The following MUC4 variants were observed in gnomAD, a reference collection of about 807,000 sequenced individuals.
MUC4 encodes the protein mucin-4.
In MUC4, 202 loss-of-function variants were observed where a neutral mutation model predicts 257.9. The ratio of observed to expected loss-of-function variants is 0.78; its 90% CI spans 0.70 to 0.88. The LOEUF (loss-of-function observed/expected upper bound fraction) is 0.88, where lower values mean the gene tolerates loss of function less well. MUC4 is among the 40% of genes least tolerant of loss of function. The probability of loss-of-function intolerance (pLI) is 0.00; values close to 1 mark genes in which losing one functional copy is unlikely to be tolerated. For synonymous variants in MUC4, 2,351 were observed against 2,757.1 expected, an observed-to-expected ratio of 0.85 and a Z score of 4.62; for missense variants, 5,976 against 6,513.7, an observed-to-expected ratio of 0.92 and a Z score of 2.84.
chr3:195,779,452 G>A lies in MUC4; in HGVS notation c.12128C>T (p.Thr4043Ile), dbSNP rs879189617. The A allele has an allele frequency of 7.9e-7, 1 of 1,263,670 alleles. No homozygotes were observed. Among genetic ancestry groups the A allele is most frequent in the African/African-American group, 1.8e-5 (1 of 54,764 alleles). The allele number at this position is 1,263,670 out of a possible 1,614,324, so 78.3% of individuals were successfully genotyped here. Residue 4043 changes from threonine (T) to isoleucine (I), a missense_variant, in exon 2 of 25, where the codon ACA (threonine) becomes ATA (isoleucine). This residue lies in a region of MUC4 where 293 missense variants were observed against 294.5 expected (regional missense o/e 1.00). Transcript: ENST00000463781. Reference sequence around the variant, plus strand: ...GACAGGAAGAGGGGTGGTGTCACCTGTGGATGCTGAGGAAGTGCTGGTGAC... The same window carrying A: ...GACAGGAAGAGGGGTGGTGTCACCTATGGATGCTGAGGAAGTGCTGGTGAC... ...VPVTSTSSAS[T>I]GDTTPLPVTN...
In MUC4 at chr3:195,779,146, AGAGG is replaced by A; in HGVS notation, c.12430_12433del (p.Pro4144PhefsTer114). ...TGCTGAGGAAGGGATGGTGACAGGA[AGAGG>A]CGTGGTGTCACCTGTGGATACTGAG... is the stretch of plus-strand genomic sequence containing the variant. On this transcript the variant is annotated frameshift_variant, in exon 2 of 25. Coordinates refer to ENST00000463781, the MANE Select transcript of MUC4 (RefSeq NM_018406.7). LOFTEE classifies it high-confidence loss of function. The A allele has an allele frequency of 7.1e-7, 1 of 1,405,064 alleles. No homozygotes were observed. Among genetic ancestry groups the A allele is most frequent in the Admixed American group, 2.3e-5 (1 of 44,032 alleles). The allele number at this position is 1,405,064 out of a possible 1,614,324, so 87.0% of individuals were successfully genotyped here.
rs1363613706 is a variant in MUC4 at position 195,782,125 on chromosome 3, G to C, written c.9455C>G (p.Pro3152Arg). ...TSSASTGDTT[P>R]LPVTDTSSAS... is the part of the protein sequence containing the mutation. The stretch of plus-strand genomic sequence containing the variant: ...TGAGGAAGTGTCGGTGACAGGAAGA[G>C]GGGTGGTGTCACCTGTGGATGCTGA... The change falls in exon 2 of 25, where the codon CCT (proline) becomes CGT (arginine). Residue 3152 changes from proline to arginine, a missense_variant. Physicochemically the swap from Pro to Arg is moderately radical, Grantham distance 103. Around this residue, in one of 44 missense-constraint regions of MUC4, gnomAD observed 128 missense variants for 104.8 expected, o/e 1.22. Coordinates refer to ENST00000463781, the MANE Select transcript of MUC4 (RefSeq NM_018406.7). 74 of 1,366,000 alleles carry C rather than the reference G, an allele frequency of 5.4e-5. No individual in the cohort carries two copies. Among genetic ancestry groups the C allele is most frequent in the Non-Finnish European group, 7.0e-5 (73 of 1,037,882 alleles). 84.6% of individuals were successfully genotyped at this position (1,366,000 alleles called of 1,614,324 possible).
chr3:195,788,051 C>T lies in MUC4; in HGVS notation c.3529G>A (p.Val1177Ile), dbSNP rs1266050575. The T allele has an allele frequency of 2.8e-5, 41 of 1,474,118 alleles. 4 individuals carry two copies. The highest frequency in any genetic ancestry group is 3.7e-5 in the Non-Finnish European group (41 of 1,108,490). 91.3% of individuals were successfully genotyped at this position (1,474,118 alleles called of 1,614,324 possible). Residue 1177 changes from valine to isoleucine, a missense_variant, in exon 2 of 25, where the codon GTA becomes ATA. By Grantham distance (29) the Val-to-Ile change is conservative. This residue lies in a region of MUC4 where 90 missense variants were observed against 106.2 expected (regional missense o/e 0.85). Transcript: ENST00000463781. ...AGAGGCGTGGTGTCACCTGTGGATA[C>T]TGAGGAAAGGCTGGTGACAGGAAGA... Reference protein sequence around the residue: ...TPLPVTSLSSVSTGDTTPLPV... With the variant: ...TPLPVTSLSSISTGDTTPLPV...
In MUC4 at chr3:195,789,163, G is replaced by A. The variant is rs1189096156; in HGVS notation, c.2417C>T (p.Ser806Phe). ...RTTSAGTATPSSSGASGTTPS... is the reference protein window; with the variant it reads ...RTTSAGTATPFSSGASGTTPS... ...TGTTGTGCCACTCGCCCCGGATGAG[G>A]AAGGGGTAGCTGTGCCCGCTGAGGT... is the stretch of plus-strand genomic sequence containing the variant. The change falls in exon 2 of 25, where the codon TCC (serine) becomes TTC (phenylalanine). Residue 806 changes from serine to phenylalanine, a missense_variant. Physicochemically the swap from Ser to Phe is radical, Grantham distance 155. Coordinates refer to ENST00000463781, the MANE Select transcript of MUC4 (RefSeq NM_018406.7). 6.2e-7 allele frequency: 1 copy of A among 1,613,874 alleles called. No individual in the cohort carries two copies.
intron 3 of MUC4, 140 bp downstream of exon 3, chr3:195,778,163 G>A (rs1243211451): frequency 3.7e-5 from 43 of 1,152,768 alleles, no homozygotes; most frequent in Non-Finnish European, 5.0e-5. Flanking sequence ...CAGCCCTCAG[G>A]AGCGACTCCG....
chr3:195,780,175 G>C lies in MUC4; in HGVS notation c.11405C>G (p.Ser3802Cys), dbSNP rs1477753943. 1 of 1,498,380 alleles carries C rather than the reference G, an allele frequency of 6.7e-7. No homozygotes were observed. Among genetic ancestry groups the C allele is most frequent in the Non-Finnish European group, 9.1e-7 (1 of 1,104,678 alleles). 92.8% of individuals were successfully genotyped at this position (1,498,380 alleles called of 1,614,324 possible). The change falls in exon 2 of 25, where the codon TCC becomes TGC. Residue 3802 changes from serine (S) to cysteine (C), a missense_variant. This residue lies in a region of MUC4 where 330 missense variants were observed against 262.0 expected (regional missense o/e 1.26). Transcript: ENST00000463781. ...AGGAAGAGGGGTGGCCTGACCTGTG[G>C]ATGCTGAGGAAGTGTCGGTGACAGG... The part of the protein sequence containing the change: ...PLPVTDTSSA[S>C]TGQATPLPVT...
intron 11 of MUC4, 48 bp from the exon 12 acceptor site, chr3:195,763,689 G>A: frequency 7.0e-7 from 1 of 1,436,872 alleles, no homozygotes; most frequent in Non-Finnish European, 9.3e-7. Context: ...ATCATGTGTA[G>A]GGCTGAGGTT....
chr3:195,789,345 C>T lies in MUC4; in HGVS notation c.2235G>A (p.Val745=). 1.2e-6 allele frequency: 2 copies of T among 1,613,898 alleles called. No individual in the cohort carries two copies. Among genetic ancestry groups the T allele is most frequent in the Non-Finnish European group, 1.7e-6 (2 of 1,179,874 alleles). ...GTCCTTCTGGGCCCCCTGGTGTTGA[C>T]ACTACAGAGTTGGCCAGAGTAAGGG... is the stretch of plus-strand genomic sequence containing the variant. ...TGALTLANSV[V]STPGGPEGQW... is the part of the protein sequence containing the mutation. Residue 745 remains valine (V), a synonymous_variant, in exon 2 of 25, where the codon GTG becomes GTA. Coordinates refer to ENST00000463781, the MANE Select transcript of MUC4 (RefSeq NM_018406.7).
At chr3:195,774,087 C>T (rs1723797806) in intron 4 of MUC4, 85 bp downstream of exon 4, 2 of 1,434,612 alleles carry the variant, frequency 1.4e-6, no homozygotes. Context: ...GCTTCCATTC[C>T]CGCTTCCTCT....
At position 195,788,825 on chromosome 3, in the gene MUC4, A is replaced by G; in HGVS notation, c.2755T>C (p.Ser919Pro). The G allele has an allele frequency of 6.2e-7, 1 of 1,613,784 alleles. No homozygotes were observed. Among genetic ancestry groups the G allele is most frequent in the African/African-American group, 1.3e-5 (1 of 74,960 alleles). The change falls in exon 2 of 25, where the codon TCT (serine) becomes CCT (proline). Residue 919 changes from serine to proline, a missense_variant. Coordinates refer to ENST00000463781, the MANE Select transcript of MUC4 (RefSeq NM_018406.7). The part of the protein sequence containing the change: ...QTQRTRTSRG[S>P]DTISLASQAT... ...TGGGACGCCAGGCTGATAGTGTCAG[A>G]CCCTCTGCTGGTTCTTGTCCTCTGA...
intron 1 of MUC4, among the ~76,000 whole-genome samples, chr3:195,805,566 T>C (rs1735882850): frequency 3.3e-5 from 5 of 152,144 alleles, no homozygotes; most frequent in Non-Finnish European, 1.5e-5. Context: ...CCTGGTGTGG[T>C]GGTGTGTGCC....
Position 195,749,045 on chromosome 3 carries a change from C to CTTCA in MUC4, c.15887_15890dup (p.Lys5297AsnfsTer31). The stretch of plus-strand genomic sequence containing the variant: ...TGTAGCCATCGCATCTGAAGTAAGC[C>CTTCA]TTCAGCGTGCTCACGTTCACTGTCG... On this transcript the variant is annotated frameshift_variant, in exon 24 of 25. Coordinates refer to ENST00000463781, the MANE Select transcript of MUC4 (RefSeq NM_018406.7). LOFTEE classifies it high-confidence loss of function. The CTTCA allele has an allele frequency of 1.2e-6, 2 of 1,606,706 alleles. No individual in the cohort carries two copies. Among genetic ancestry groups the CTTCA allele is most frequent in the Non-Finnish European group, 1.7e-6 (2 of 1,175,622 alleles).
At position 195,785,386 on chromosome 3, in the gene MUC4, A is replaced by T. The variant is rs1254360435; in HGVS notation, c.6194T>A (p.Leu2065His). 1.4e-5 allele frequency: 21 copies of T among 1,512,632 alleles called. 2 individuals are homozygous for T. The highest frequency in any genetic ancestry group is 4.6e-4 in the Middle Eastern group (2 of 4,342). The allele number at this position is 1,512,632 out of a possible 1,614,324, so 93.7% of individuals were successfully genotyped here. A position where few individuals can be genotyped will look rare whatever the true frequency, so the allele number is the denominator to read the frequency against. Residue 2065 changes from leucine (L) to histidine (H), a missense_variant, in exon 2 of 25, where the codon CTT becomes CAT. By Grantham distance (99) the Leu-to-His change is moderately conservative (BLOSUM62 -3). This residue lies in a region of MUC4 where 85 missense variants were observed against 325.0 expected (regional missense o/e 0.26). Coordinates refer to ENST00000463781, the MANE Select transcript of MUC4 (RefSeq NM_018406.7). ...TGCTGAGGAAGGGTTAGTGACAGGA[A>T]GAGGCGTGGTGTCACCTGTGGATAC... Reference protein sequence around the residue: ...SSVSTGDTTPLPVTNPSSAST... With the variant: ...SSVSTGDTTPHPVTNPSSAST...
intron 13 of MUC4, 143 bp from the exon 14 acceptor site, chr3:195,762,397 G>A (rs1719208845): frequency 2.1e-6 from 2 of 931,354 alleles, no homozygotes; most frequent in Non-Finnish European, 3.1e-6. Context: ...CGGAGAAGAG[G>A]CCGGCGAGCT....
rs1168951781 is a variant in MUC4 at position 195,789,442 on chromosome 3, A to G, written c.2138T>C (p.Leu713Pro). The change falls in exon 2 of 25, where the codon CTG (leucine) becomes CCG (proline). Residue 713 changes from leucine to proline, a missense_variant. Physicochemically the swap from Leu to Pro is moderately conservative, Grantham distance 98. Coordinates refer to ENST00000463781, the MANE Select transcript of MUC4 (RefSeq NM_018406.7). ...GHTTQAPTTALQAAPSSHDAT... is the reference protein window; with the variant it reads ...GHTTQAPTTAPQAAPSSHDAT... ...ATCATGGCTGCTGGGTGCTGCCTGC[A>G]GTGCTGTGGTCGGGGCCTGGGTTGT... 2 of 1,613,868 alleles carry G rather than the reference A, an allele frequency of 1.2e-6. No individual in the cohort carries two copies. The highest frequency in any genetic ancestry group is 1.1e-5 in the South Asian group (1 of 91,058).
At chr3:195,763,081 T>C (rs1271381889) in intron 12 of MUC4, 136 bp from the exon 13 acceptor site, 16 of 734,450 alleles carry the variant, frequency 2.2e-5, no homozygotes, top group Non-Finnish European at 2.9e-5. Flanking sequence ...CGGCCTGAGG[T>C]GATGCCAGCC....
At position 195,757,993 on chromosome 3, in the gene MUC4, C is replaced by T. The variant is rs1052793608; in HGVS notation, c.14987-665G>A. On this transcript the variant is annotated intron_variant, in intron 17 of 24. Coordinates refer to ENST00000463781, the MANE Select transcript of MUC4 (RefSeq NM_018406.7). The surrounding 1 kb of genome is among the most constrained non-coding windows in gnomAD (Gnocchi z 4.8). ...CCATTGTCTCGCACCTGGGAGGACG[C>T]ACATGGGGCAAAAGGGATGCAGGCA... Among the ~76,000 whole-genome samples, 9 of 152,178 alleles carry T rather than the reference C, an allele frequency of 5.9e-5. No individual in the cohort carries two copies. Among genetic ancestry groups the T allele is most frequent in the African/African-American group, 1.9e-4 (8 of 41,436 alleles).
At position 195,788,468 on chromosome 3, in the gene MUC4, C is replaced by A; in HGVS notation, c.3112G>T (p.Val1038Phe). The A allele has an allele frequency of 6.6e-7, 1 of 1,511,906 alleles. No individual in the cohort carries two copies. The highest frequency in any genetic ancestry group is 8.9e-7 in the Non-Finnish European group (1 of 1,123,802). 93.7% of individuals were successfully genotyped at this position (1,511,906 alleles called of 1,614,324 possible). The part of the protein sequence containing the change: ...TDTSSESTGH[V>F]TPLPVTSFSS... ...AAGCTGGTGACAGGAAGAGGGGTGACGTGACCTGTGGATTCTGAGGAAGTG... is the reference window on the plus strand; with the variant it reads ...AAGCTGGTGACAGGAAGAGGGGTGAAGTGACCTGTGGATTCTGAGGAAGTG... Residue 1038 changes from valine (V) to phenylalanine (F), a missense_variant, in exon 2 of 25, where the codon GTC becomes TTC. Physicochemically the swap from Val to Phe is conservative, Grantham distance 50. This residue lies in a region of MUC4 where 1,583 missense variants were observed against 1,257.4 expected (regional missense o/e 1.26). Coordinates refer to ENST00000463781, the MANE Select transcript of MUC4 (RefSeq NM_018406.7).
At chr3:195,774,132 C>T (rs776209000) in intron 4 of MUC4, 40 bp downstream of exon 4, 4 of 1,566,050 alleles carry the variant, frequency 2.6e-6, no homozygotes, top group East Asian at 4.8e-5. Flanking sequence ...AGAAGTGGGC[C>T]CTGGGAGTTC....
Sources: gnomAD v4.1 joint callset for allele counts (sites outside exome capture counted in the v4.1 genomes callset) on GRCh38, gnomAD v4.1.1 for gene constraint, gnomAD v4.1.1 regional missense constraint, Gnocchi (gnomAD v3.1) non-coding constraint, MANE v1.5 for transcripts, NCBI Gene and HGNC (gene_info 2026-07-23, HGNC 2026-07-21) for gene names.